MYH14: variants seen among roughly 807,000 people sequenced by gnomAD.
The protein encoded by MYH14 is myosin heavy chain 14.
MYH14 carries 123 observed loss-of-function variants against 255.5 expected under a neutral mutation model. That is an observed-to-expected ratio of 0.48 (90% CI 0.42 to 0.56). The LOEUF (loss-of-function observed/expected upper bound fraction) is 0.56, where lower values mean the gene tolerates loss of function less well. Ranked by LOEUF, MYH14 falls within the 20% of genes least tolerant of loss-of-function variation. The pLI, the probability that MYH14 is intolerant of heterozygous loss-of-function variation, is 0.00. For missense variants in MYH14, 2,423 were observed against 2,802.3 expected, an observed-to-expected ratio of 0.86 and a Z score of 3.06; for synonymous variants, 1,095 against 1,161.2, an observed-to-expected ratio of 0.94 and a Z score of 1.16.
chr19:50,212,994 C>A (rs553970399), intron 2 of MYH14, among the ~76,000 whole-genome samples: 1 of 152,248 alleles, frequency 6.6e-6, no homozygotes, highest in South Asian at 2.1e-4. Flanking sequence ...ACTCTGTTGC[C>A]CAGGCTGCAG....
chr19:50,213,778 T>C (rs1328515939), intron 2 of MYH14, among the ~76,000 whole-genome samples: 1 of 152,182 alleles, frequency 6.6e-6, no homozygotes, highest in Non-Finnish European at 1.5e-5. Flanking sequence ...AAGCTGATAG[T>C]GGCTAAAATA....
chr19:50,247,353 A>T (rs2034171263), intron 12 of MYH14, among the ~76,000 whole-genome samples: 1 of 151,948 alleles, frequency 6.6e-6, no homozygotes, highest in Non-Finnish European at 1.5e-5. Flanking sequence ...GTTCAACAGG[A>T]TGTGTCTGGG....
In MYH14 at chr19:50,291,058, G is replaced by C. The variant is rs370928889; in HGVS notation, c.5127+10G>C. ...GCTTCGCAAGATGCAGGTAAGAGCC[G>C]GCGTGAGCTGCAGGGAGGGGAGGCT... On this transcript the variant is annotated intron_variant, in intron 36 of 42. Transcript: ENST00000642316. 6.2e-7 allele frequency: 1 copy of C among 1,611,530 alleles called. No individual in the cohort carries two copies. The highest frequency in any genetic ancestry group is 1.3e-5 in the African/African-American group (1 of 74,880).
chr19:50,276,611 G>C lies in MYH14; in HGVS notation c.3681-146G>C. 9.7e-7 allele frequency: 1 copy of C among 1,032,352 alleles called. No homozygotes were observed. Among genetic ancestry groups the C allele is most frequent in the South Asian group, 1.5e-5 (1 of 64,712 alleles). 63.9% of individuals were successfully genotyped at this position (1,032,352 alleles called of 1,614,324 possible). On this transcript the variant is annotated intron_variant, in intron 28 of 42. Coordinates refer to ENST00000642316, the MANE Select transcript of MYH14 (RefSeq NM_001145809.2). The surrounding 1 kb of genome is among the most constrained non-coding windows in gnomAD (Gnocchi z 4.3). ...CCCTTAAAGCCACACTCCTTCCACA[G>C]CATCACCACCCAGATCTCCTGAGGA...
At chr19:50,273,461 A>G (rs2035388184) in intron 27 of MYH14, among the ~76,000 whole-genome samples, 1 of 152,150 alleles carries the variant, frequency 6.6e-6, no homozygotes, top group East Asian at 1.9e-4. Context: ...TGTATGCCAA[A>G]TGTGGTGCTT....
At chr19:50,288,317 A>C (rs766529372) in intron 34 of MYH14, among the ~76,000 whole-genome samples, 1 of 152,040 alleles carries the variant, frequency 6.6e-6, no homozygotes, top group Non-Finnish European at 1.5e-5. Context: ...ACGCACTTAG[A>C]CGTTGATCCG....
At chr19:50,212,939 A>G (rs2123164719) in intron 2 of MYH14, among the ~76,000 whole-genome samples, 1 of 152,180 alleles carries the variant, frequency 6.6e-6, no homozygotes, top group African/African-American at 2.4e-5. Context: ...TGGATCCACT[A>G]GTTGCCTTTT....
rs186027440 is a variant in MYH14, at chr19:50,223,359, C to T, written c.693+10C>T. 164 of 1,552,554 alleles carry T rather than the reference C, an allele frequency of 1.1e-4. No individual in the cohort carries two copies. The African/African-American group carries it at 1.9e-3, about 18-fold the overall frequency. On this transcript the variant is annotated intron_variant, in intron 5 of 42. Coordinates refer to ENST00000642316, the MANE Select transcript of MYH14 (RefSeq NM_001145809.2). ...GGAGCCGGGTGTCCCCGTAAGCAACCCCGCCTTGGGTCACCCCCGGGCCCT... is the reference window on the plus strand; with the variant it reads ...GGAGCCGGGTGTCCCCGTAAGCAACTCCGCCTTGGGTCACCCCCGGGCCCT...
intron 41 of MYH14, chr19:50,308,229 C>G (rs991482598): frequency 6.6e-6 from 1 of 152,170 alleles, no homozygotes; most frequent in Non-Finnish European, 1.5e-5. Flanking sequence ...AATAGAAATA[C>G]GTTTGGTGAG....
At chr19:50,264,185 T>A (rs530340355) in intron 22 of MYH14, among the ~76,000 whole-genome samples, 1,581 of 150,618 alleles carry the variant, frequency 0.01, 14 homozygotes, top group Non-Finnish European at 0.015. Context: ...ACTTAGCTGT[T>A]CCCAGCAATG....
rs1175614868 is a variant in MYH14, at chr19:50,255,323, G to A, written c.2044+5G>A. The A allele has an allele frequency of 2.6e-6, 4 of 1,549,100 alleles. No homozygotes were observed. The highest frequency in any genetic ancestry group is 3.5e-6 in the Non-Finnish European group (4 of 1,145,474). On this transcript the variant is annotated splice_donor_5th_base_variant and intron_variant, in intron 17 of 42. Transcript: ENST00000642316. Reference sequence around the variant, plus strand: ...CTGCTATTTCTCCGCCAGGGGGTGGGTGTCTCTGTGCATCGATGGGTGAGG... The same window carrying A: ...CTGCTATTTCTCCGCCAGGGGGTGGATGTCTCTGTGCATCGATGGGTGAGG...
intron 24 of MYH14, among the ~76,000 whole-genome samples, chr19:50,270,868 G>T (rs1298581803): frequency 1.3e-5 from 2 of 151,816 alleles, no homozygotes; most frequent in East Asian, 3.9e-4. Context: ...CTAATTTTTT[G>T]TATTTTTAGT....
In MYH14 at chr19:50,293,221, C is replaced by G. The variant is rs1267720171; in HGVS notation, c.5257-12C>G. The G allele has an allele frequency of 6.3e-7, 1 of 1,593,062 alleles. No individual in the cohort carries two copies. The highest frequency in any genetic ancestry group is 1.8e-5 in the Admixed American group (1 of 57,082). ...CTCCTCACACCCACCGGCCACCCCT[C>G]CATCATCACAGGAACTGGCCGCCTC... On this transcript the variant is annotated splice_polypyrimidine_tract_variant and intron_variant, in intron 37 of 42. Transcript: ENST00000642316. This position sits in a 1 kb window ranked among gnomAD's most constrained non-coding sequence, Gnocchi z 4.1.
rs760445854 is a variant in MYH14, at chr19:50,293,699, TG to T, written c.5469+13del. The T allele has an allele frequency of 5.3e-5, 82 of 1,556,746 alleles. No individual in the cohort carries two copies. The highest frequency in any genetic ancestry group is 7.0e-5 in the Non-Finnish European group (81 of 1,149,862). On this transcript the variant is annotated intron_variant, in intron 39 of 42. Coordinates refer to ENST00000642316, the MANE Select transcript of MYH14 (RefSeq NM_001145809.2). This position sits in a 1 kb window ranked among gnomAD's most constrained non-coding sequence, Gnocchi z 4.1. Reference sequence around the variant, plus strand: ...AGCTGCTCCTGCAGGTGAGCGTGATTGACCGCCCCCACCAGCCTCAGTCCCC... The same window carrying T: ...AGCTGCTCCTGCAGGTGAGCGTGATTACCGCCCCCACCAGCCTCAGTCCCC...
At position 50,301,797 on chromosome 19, in the gene MYH14, G is replaced by A. The variant is rs773798800; in HGVS notation, c.5606G>A (p.Arg1869His). The A allele has an allele frequency of 3.3e-5, 54 of 1,613,658 alleles. No individual in the cohort carries two copies. The highest frequency in any genetic ancestry group is 4.2e-5 in the Non-Finnish European group (50 of 1,179,856). The change falls in exon 40 of 43, where the codon CGC becomes CAC. Residue 1869 changes from arginine to histidine, a missense_variant. Arg to His is a conservative substitution (Grantham distance 29, BLOSUM62 0). Transcript: ENST00000642316. ...LGEEDAGARA[R>H]HKMTIAALES... ...GAGGAGGATGCTGGGGCCCGTGCCC[G>A]CCACAAGATGACCATTGCTGCCCTT...
rs1160197288 is a variant in MYH14 at position 50,257,290 on chromosome 19, A to T, written c.2045-9A>T. 6.3e-7 allele frequency: 1 copy of T among 1,593,620 alleles called. No individual in the cohort carries two copies. The highest frequency in any genetic ancestry group is 1.3e-5 in the African/African-American group (1 of 74,596). ...TCCTTCTCTCTCTCTCTGCATCTCC[A>T]TCTGACAGTGGAGGGCATCGTGGGG... On this transcript the variant is annotated splice_polypyrimidine_tract_variant and intron_variant, in intron 17 of 42. Coordinates refer to ENST00000642316, the MANE Select transcript of MYH14 (RefSeq NM_001145809.2).
At chr19:50,235,938 G>GT (rs1250618671) in intron 10 of MYH14, among the ~76,000 whole-genome samples, 1 of 151,850 alleles carries the variant, frequency 6.6e-6, no homozygotes, top group Non-Finnish European at 1.5e-5. Flanking sequence ...TTGCAGCTGC[G>GT]TAAGGTTTTA....
In MYH14 at chr19:50,271,824, C is replaced by T. The variant is rs1375365847; in HGVS notation, c.3172-25C>T. On this transcript the variant is annotated intron_variant, in intron 25 of 42. Transcript: ENST00000642316. ...CTCCTGGCCCAACTCCTCCTGACTG[C>T]CCCCCATCCCACTCCACCCCTCAGG... The T allele has an allele frequency of 3.7e-6, 6 of 1,611,712 alleles. No individual in the cohort carries two copies. The African/African-American group carries it at 4.0e-5, about 11-fold the overall frequency.
rs377111152 is a variant in MYH14 at position 50,251,673 on chromosome 19, G to A, written c.1831-966G>A. On this transcript the variant is annotated intron_variant, in intron 15 of 42. Coordinates refer to ENST00000642316, the MANE Select transcript of MYH14 (RefSeq NM_001145809.2). ...GCTCACTGCAATCTCCGCCTCCTAG[G>A]TTCAAGCAATTCTTCTGCCTCAGCC... Among the ~76,000 whole-genome samples the A allele has an allele frequency of 2.6e-4, 40 of 151,990 alleles. No homozygotes were observed. In the East Asian group the frequency reaches 6.6e-3, roughly 25 times the overall value.
Sources: allele counts gnomAD v4.1 joint callset (sites outside exome capture counted in the v4.1 genomes callset), GRCh38; gene constraint gnomAD v4.1.1; non-coding constraint Gnocchi (gnomAD v3.1); transcripts MANE v1.5; gene names NCBI Gene and HGNC (gene_info 2026-07-23, HGNC 2026-07-21).